Variants in MYO15A observed in about 807,000 individuals in gnomAD.
MYO15A encodes the protein unconventional myosin-XV.
Under a neutral mutation model 394.6 loss-of-function variants are expected in MYO15A, and 308 were observed. That is an observed-to-expected ratio of 0.78 (90% CI 0.71 to 0.86). The LOEUF (loss-of-function observed/expected upper bound fraction) is 0.86. MYO15A is among the 40% of genes least tolerant of loss of function. The probability of loss-of-function intolerance (pLI) is 0.00; values close to 1 mark genes in which losing one functional copy is unlikely to be tolerated. For missense variants in MYO15A, 4,606 were observed against 4,799.1 expected (o/e 0.96, Z 1.19); for synonymous variants, 1,957 against 2,003.8 (o/e 0.98, Z 0.62).
intron 65 of MYO15A, chr17:18,177,041 CCT>C (rs2047024771): frequency 6.6e-6 from 1 of 152,274 alleles, no homozygotes; most frequent in Non-Finnish European, 1.5e-5. Context: ...TGGATGAAGG[CCT>C]CTTTGCTTTT....
intron 65 of MYO15A, chr17:18,178,472 G>A: frequency 1.9e-6 from 1 of 532,382 alleles, no homozygotes; most frequent in South Asian, 1.9e-5. Flanking sequence ...TTACAGATGA[G>A]GCCACTGAGG....
chr17:18,148,025 T>C lies in MYO15A; in HGVS notation c.6510-4T>C, dbSNP rs1210504683. On this transcript the variant is annotated splice_polypyrimidine_tract_variant and splice_region_variant and intron_variant, in intron 30 of 65. Transcript: ENST00000647165. This position sits in a 1 kb window ranked among gnomAD's most constrained non-coding sequence, Gnocchi z 4.8. ...TGATCCTGGCTCCAACTCCTACCCA[T>C]CAGGTTTGTGTCTGATTATGGGCGG... The C allele has an allele frequency of 9.3e-6, 15 of 1,614,030 alleles. No homozygotes were observed. The highest frequency in any genetic ancestry group is 1.3e-5 in the Non-Finnish European group (15 of 1,179,994).
intron 55 of MYO15A, 124 bp downstream of exon 55, chr17:18,159,803 C>T: frequency 6.9e-7 from 1 of 1,447,110 alleles, no homozygotes; most frequent in East Asian, 2.3e-5. Context: ...AGGAATGCAT[C>T]ATGCTGGTGG....
In MYO15A at chr17:18,145,856, T is replaced by A. The variant is rs1197089571; in HGVS notation, c.6274-16T>A. On this transcript the variant is annotated splice_polypyrimidine_tract_variant and intron_variant, in intron 29 of 65. Transcript: ENST00000647165. ...CAACTTTCTGAGATGCCCAGGAGAC[T>A]CTGTTCGTGGCCCAGATCCTGCGCT... The A allele has an allele frequency of 3.1e-6, 5 of 1,612,116 alleles. No homozygotes were observed. The Admixed American group carries it at 8.3e-5, about 27-fold the overall frequency.
chr17:18,163,161 T>A (rs1448143434), intron 58 of MYO15A, 83 bp from the exon 59 acceptor site: 10 of 1,451,532 alleles, frequency 6.9e-6, no homozygotes, highest in Non-Finnish European at 9.7e-6. Flanking sequence ...TCCTTTGGCT[T>A]GGGAACTCCC....
rs148999376 is a variant in MYO15A, at chr17:18,136,584, G to A, written c.4677G>A (p.Leu1559=). 54 of 1,613,920 alleles carry A rather than the reference G, an allele frequency of 3.3e-5. No individual in the cohort carries two copies. Among genetic ancestry groups the A allele is most frequent in the Non-Finnish European group, 4.2e-5 (50 of 1,180,052 alleles). The part of the protein sequence containing the change: ...VDARDAIAKV[L]YALLFSWLIT... ...CCAGGGACGCCATCGCCAAGGTCTT[G>A]TATGCACTGCTGTTCAGCTGGCTCA... Residue 1559 remains leucine (L), a synonymous_variant, in exon 15 of 66, where the codon TTG becomes TTA. Coordinates refer to ENST00000647165, the MANE Select transcript of MYO15A (RefSeq NM_016239.4).
At chr17:18,144,929 G>T (rs1217853380) in intron 29 of MYO15A, among the ~76,000 whole-genome samples, 2 of 152,162 alleles carry the variant, frequency 1.3e-5, no homozygotes, top group African/African-American at 4.8e-5. Context: ...CACCAGTATG[G>T]ACAGAGGGAA....
In MYO15A at chr17:18,168,054, A is replaced by T. The variant is rs190899283; in HGVS notation, c.10082+331A>T. 5.1e-4 allele frequency among the ~76,000 whole-genome samples: 78 copies of T among 152,394 alleles called. 1 individual carries two copies. In the East Asian group the frequency reaches 0.011, roughly 21 times the overall value. On this transcript the variant is annotated intron_variant, in intron 62 of 65. Coordinates refer to ENST00000647165, the MANE Select transcript of MYO15A (RefSeq NM_016239.4). ...TGCAGAAAGATTCAGCCACAAAAGC[A>T]TTCACTGCAATGCTGCTACAAGAGC... is the stretch of plus-strand genomic sequence containing the variant.
In MYO15A at chr17:18,148,880, A is replaced by C. The variant is rs2046529512; in HGVS notation, c.6884A>C (p.Asp2295Ala). 6.2e-7 allele frequency: 1 copy of C among 1,607,110 alleles called. No homozygotes were observed. Among genetic ancestry groups the C allele is most frequent in the Non-Finnish European group, 8.5e-7 (1 of 1,176,924 alleles). Residue 2295 changes from aspartate (D) to alanine (A), a missense_variant, in exon 33 of 66, where the codon GAC (aspartate) becomes GCC (alanine). Asp to Ala is a moderately radical substitution (Grantham distance 126, BLOSUM62 -2). Around this residue, in one of 2 missense-constraint regions of MYO15A, gnomAD observed 2,776 missense variants for 3,109.3 expected, o/e 0.89. Coordinates refer to ENST00000647165, the MANE Select transcript of MYO15A (RefSeq NM_016239.4). The surrounding 1 kb of genome is among the most constrained non-coding windows in gnomAD (Gnocchi z 4.8). ...GTGTCGGACCTGGAGCTGCTCAGGG[A>C]CTTCCCTCGACAGAAGTCCTACTTC... Reference protein sequence around the residue: ...DLVSDLELLRDFPRQKSYFIV... With the variant: ...DLVSDLELLRAFPRQKSYFIV...
chr17:18,112,727 G>T (rs558387495), intron 1 of MYO15A, among the ~76,000 whole-genome samples: 2 of 151,858 alleles, frequency 1.3e-5, no homozygotes, highest in South Asian at 4.2e-4. Context: ...ACTTTTAAAT[G>T]TTACATTTTT....
At chr17:18,131,811 A>G (rs1441575718) in intron 10 of MYO15A, among the ~76,000 whole-genome samples, 1 of 151,732 alleles carries the variant, frequency 6.6e-6, no homozygotes, top group Non-Finnish European at 1.5e-5. Flanking sequence ...CTGCTTGGCC[A>G]AACCCCTCAC....
At chr17:18,168,646 C>T (rs898147552) in intron 62 of MYO15A, among the ~76,000 whole-genome samples, 4 of 151,952 alleles carry the variant, frequency 2.6e-5, no homozygotes, top group Non-Finnish European at 5.9e-5. Context: ...GCTCAAGTAA[C>T]CCTCCTGCCT....
Position 18,121,608 on chromosome 17 carries a change from C to G in MYO15A, c.2808C>G (p.Thr936=). 1.9e-6 allele frequency: 3 copies of G among 1,597,388 alleles called. No individual in the cohort carries two copies. Among genetic ancestry groups the G allele is most frequent in the Non-Finnish European group, 2.6e-6 (3 of 1,170,820 alleles). Residue 936 remains threonine, a synonymous_variant, in exon 2 of 66, where the codon ACC becomes ACG. Coordinates refer to ENST00000647165, the MANE Select transcript of MYO15A (RefSeq NM_016239.4). The surrounding 1 kb of genome is among the most constrained non-coding windows in gnomAD (Gnocchi z 5.3). The stretch of plus-strand genomic sequence containing the variant: ...GCTGGGACGTGGACATGCCTCCCAC[C>G]CAACGCCCACCCTCCCCCTGGCCAG... ...APSWDVDMPP[T]QRPPSPWPGG...
intron 65 of MYO15A, among the ~76,000 whole-genome samples, chr17:18,175,514 C>T (rs2047002833): frequency 6.6e-6 from 1 of 152,052 alleles, no homozygotes; most frequent in South Asian, 2.1e-4. Context: ...TGTTCTTGAA[C>T]TCCTGACCTC....
At position 18,151,232 on chromosome 17, in the gene MYO15A, C is replaced by A. The variant is rs769632341; in HGVS notation, c.7596C>A (p.Leu2532=). The part of the protein sequence containing the change: ...APAPLAKAPR[L]PIKPVAAPVL... ...CCCCTCTGGCCAAGGCTCCAAGGCTCCCCATCAAGCCTGTGGCTGCCCCTG... is the reference window on the plus strand; with the variant it reads ...CCCCTCTGGCCAAGGCTCCAAGGCTACCCATCAAGCCTGTGGCTGCCCCTG... The change falls in exon 39 of 66, where the codon CTC becomes CTA. Residue 2532 remains leucine, a synonymous_variant. Coordinates refer to ENST00000647165, the MANE Select transcript of MYO15A (RefSeq NM_016239.4). The A allele has an allele frequency of 8.1e-6, 13 of 1,614,004 alleles. No homozygotes were observed. Among genetic ancestry groups the A allele is most frequent in the Non-Finnish European group, 1.1e-5 (13 of 1,180,040 alleles).
At chr17:18,136,337 CCACT>C (rs1276121515) in intron 13 of MYO15A, 76 bp from the exon 14 acceptor site, 12 of 1,550,416 alleles carry the variant, frequency 7.7e-6, no homozygotes, top group Middle Eastern at 1.7e-4. Flanking sequence ...CTCCATGATC[CCACT>C]CCCTTAGTCC....
chr17:18,119,244 G>A lies in MYO15A; in HGVS notation c.444G>A (p.Glu148=). 6.2e-7 allele frequency: 1 copy of A among 1,612,438 alleles called. No individual in the cohort carries two copies. The highest frequency in any genetic ancestry group is 8.5e-7 in the Non-Finnish European group (1 of 1,179,892). ...AGTTCCTCCTCAAGAAGGCCGAGGA[G>A]TCGGGCAGCGAACAGGCCACAGTGG... ...TKKFLLKKAE[E]SGSEQATVDA... Residue 148 remains glutamate (E), a synonymous_variant, in exon 2 of 66, where the codon GAG becomes GAA. Coordinates refer to ENST00000647165, the MANE Select transcript of MYO15A (RefSeq NM_016239.4).
At chr17:18,133,568 C>T (rs1047721039) in intron 12 of MYO15A, among the ~76,000 whole-genome samples, 182 bp downstream of exon 12, 1 of 152,126 alleles carries the variant, frequency 6.6e-6, no homozygotes. Context: ...GAAATCAGCC[C>T]TTTGTGTCTG....
intron 65 of MYO15A, chr17:18,177,123 G>A (rs1488458973): frequency 6.6e-6 from 1 of 152,148 alleles, no homozygotes; most frequent in East Asian, 1.9e-4. Flanking sequence ...ATGTGTCAGG[G>A]GCTACATTCA....
Sources: allele counts gnomAD v4.1 joint callset (sites outside exome capture counted in the v4.1 genomes callset), GRCh38; gene constraint gnomAD v4.1.1; regional missense constraint gnomAD v4.1.1; non-coding constraint Gnocchi (gnomAD v3.1); transcripts MANE v1.5; gene names NCBI Gene and HGNC (gene_info 2026-07-23, HGNC 2026-07-21).